Variants in WDR70 observed in about 807,000 individuals in gnomAD.
The protein encoded by WDR70 is WD repeat-containing protein 70.
WDR70 carries 53 observed loss-of-function variants against 88.6 expected under a neutral mutation model. That is an observed-to-expected ratio of 0.60 (90% CI 0.48 to 0.75). WDR70 has a LOEUF of 0.75. WDR70 is among the 30% of genes least tolerant of loss of function. The pLI, the probability that WDR70 is intolerant of heterozygous loss-of-function variation, is 0.00. For synonymous variants in WDR70, 280 were observed against 270.0 expected (o/e 1.04, Z -0.36); for missense variants, 610 against 823.2 (o/e 0.74, Z 3.17).
At chr5:37,534,545 T>C (rs998139181) in intron 9 of WDR70, among the ~76,000 whole-genome samples, 4 of 144,398 alleles carry the variant, frequency 2.8e-5, no homozygotes, top group Non-Finnish European at 4.5e-5. Context: ...TCGCCCAGGC[T>C]GGAGTGCAGA....
intron 9 of WDR70, among the ~76,000 whole-genome samples, chr5:37,602,934 G>A (rs921177307): frequency 4.6e-5 from 7 of 151,974 alleles, no homozygotes; most frequent in African/African-American, 7.3e-5. Flanking sequence ...CCGAGATTGC[G>A]CCACGGCACT....
chr5:37,604,925 G>T, intron 9 of WDR70, 139 bp from the exon 10 acceptor site: 1 of 711,562 alleles, frequency 1.4e-6, no homozygotes, highest in Non-Finnish European at 2.2e-6. Context: ...TACAGTGCAT[G>T]TCTTATTTTA....
At position 37,388,146 on chromosome 5, in the gene WDR70, GTC is replaced by G. The variant is rs545165158; in HGVS notation, c.176-3846_176-3845del. 2.3e-3 allele frequency among the ~76,000 whole-genome samples: 342 copies of G among 151,972 alleles called. 1 individual carries two copies. Among genetic ancestry groups the G allele is most frequent in the African/African-American group, 8.0e-3 (332 of 41,460 alleles). On this transcript the variant is annotated intron_variant, in intron 3 of 17. Transcript: ENST00000265107. ...TTTTTTTTCTTTTTCTTGAGACAGA[GTC>G]TCTCTCTGTCGCCCAGGCTAGAGTG...
chr5:37,515,354 A>T (rs1740854099), intron 8 of WDR70, among the ~76,000 whole-genome samples: 2 of 152,194 alleles, frequency 1.3e-5, no homozygotes, highest in Admixed American at 1.3e-4. Flanking sequence ...TTTTCCCTGT[A>T]CCTGTTGTGT....
chr5:37,414,786 T>TC (rs1229896841), intron 5 of WDR70, among the ~76,000 whole-genome samples: 14 of 147,004 alleles, frequency 9.5e-5, no homozygotes, highest in African/African-American at 3.7e-4. Context: ...CAATTATTCT[T>TC]TTTTTTTTTA....
chr5:37,593,811 G>C (rs140090206), intron 9 of WDR70, among the ~76,000 whole-genome samples: 2 of 152,252 alleles, frequency 1.3e-5, no homozygotes, highest in Admixed American at 1.3e-4. Flanking sequence ...TCCAGCATCT[G>C]TTGTTTCCTG....
intron 8 of WDR70, among the ~76,000 whole-genome samples, chr5:37,491,669 A>G (rs1740072077): frequency 6.6e-6 from 1 of 152,182 alleles, no homozygotes; most frequent in South Asian, 2.1e-4. Flanking sequence ...ATTCCAAAAA[A>G]ATGGCACTTA....
intron 2 of WDR70, among the ~76,000 whole-genome samples, chr5:37,380,048 C>T (rs914711100): frequency 1.3e-5 from 2 of 152,098 alleles, no homozygotes; most frequent in African/African-American, 4.8e-5. Context: ...TTTACCATAT[C>T]CCTACCAACA....
intron 7 of WDR70, among the ~76,000 whole-genome samples, chr5:37,448,979 A>G (rs1300653275): frequency 2.0e-5 from 3 of 152,186 alleles, no homozygotes; most frequent in Non-Finnish European, 4.4e-5. Context: ...TGGCTTTCTT[A>G]TTACATCATA....
chr5:37,432,584 G>T (rs530812129), intron 5 of WDR70, among the ~76,000 whole-genome samples: 1 of 151,334 alleles, frequency 6.6e-6, no homozygotes, highest in Admixed American at 6.6e-5. Context: ...TTTTACTAGA[G>T]ATGGGGTTTC....
intron 10 of WDR70, among the ~76,000 whole-genome samples, chr5:37,688,768 C>T (rs138471082): frequency 1.5e-5 from 2 of 135,838 alleles, no homozygotes; most frequent in Non-Finnish European, 3.3e-5. Context: ...GTGTGATCGA[C>T]GCAGAAGATA....
chr5:37,398,245 C>T (rs1307337503), intron 5 of WDR70, among the ~76,000 whole-genome samples: 2 of 151,820 alleles, frequency 1.3e-5, no homozygotes, highest in African/African-American at 2.4e-5. Flanking sequence ...CCCGCCACCA[C>T]GCCCAGCTGA....
intron 17 of WDR70, among the ~76,000 whole-genome samples, chr5:37,739,546 ATTTG>A (rs1748405842): frequency 6.6e-6 from 1 of 152,040 alleles, no homozygotes; most frequent in African/African-American, 2.4e-5. Context: ...ATTTCTTGCA[ATTTG>A]TTTGTGTATT....
intron 17 of WDR70, among the ~76,000 whole-genome samples, chr5:37,734,410 G>A (rs1476025966): frequency 6.6e-6 from 1 of 151,990 alleles, no homozygotes; most frequent in Non-Finnish European, 1.5e-5. Context: ...ATTTATTCAT[G>A]CAAAAGAGAT....
chr5:37,543,073 G>A, intron 9 of WDR70, among the ~76,000 whole-genome samples: 1 of 152,146 alleles, frequency 6.6e-6, no homozygotes, highest in East Asian at 1.9e-4. Context: ...TATCCTGGAG[G>A]GTGAAAGAGT....
At chr5:37,585,814 C>T (rs2112435501) in intron 9 of WDR70, among the ~76,000 whole-genome samples, 1 of 152,274 alleles carries the variant, frequency 6.6e-6, no homozygotes, top group East Asian at 1.9e-4. Flanking sequence ...TCTCAGCCCC[C>T]TTACTAGTGT....
intron 10 of WDR70, among the ~76,000 whole-genome samples, chr5:37,647,498 A>G (rs1009063459): frequency 1.3e-5 from 2 of 151,972 alleles, no homozygotes; most frequent in Admixed American, 6.5e-5. Context: ...GCTTGTTTTT[A>G]CCCACCATTC....
intron 5 of WDR70, among the ~76,000 whole-genome samples, chr5:37,413,062 GAATT>G (rs1749573669): frequency 6.6e-6 from 1 of 152,158 alleles, no homozygotes; most frequent in African/African-American, 2.4e-5. Flanking sequence ...CTTCAAAGTA[GAATT>G]AATGTCCTTT....
intron 5 of WDR70, among the ~76,000 whole-genome samples, chr5:37,434,337 C>G (rs10060940): frequency 0.76 from 116,384 of 152,178 alleles, 48,401 homozygotes; most frequent in East Asian, 0.96. Flanking sequence ...CACAGCCGAA[C>G]CATATCAATG....
Sources: allele counts gnomAD v4.1 joint callset (sites outside exome capture counted in the v4.1 genomes callset), GRCh38; gene constraint gnomAD v4.1.1; transcripts MANE v1.5; gene names NCBI Gene and HGNC (gene_info 2026-07-23, HGNC 2026-07-21).